TMEFF1: variants seen among roughly 807,000 people sequenced by gnomAD.
The protein encoded by TMEFF1 is transmembrane protein with EGF like and two follistatin like domains 1.
TMEFF1 carries 20 observed loss-of-function variants against 47.5 expected under a neutral mutation model. The ratio of observed to expected loss-of-function variants is 0.42; its 90% CI spans 0.30 to 0.61. The LOEUF is 0.61. TMEFF1 is among the 20% of genes least tolerant of loss of function. The pLI, the probability that TMEFF1 is intolerant of heterozygous loss-of-function variation, is 0.19. For synonymous variants in TMEFF1, 162 were observed against 166.3 expected (o/e 0.97, Z 0.20); for missense variants, 411 against 471.1 (o/e 0.87, Z 1.18).
intron 9 of TMEFF1, among the ~76,000 whole-genome samples, chr9:100,575,975 G>T (rs2800285): frequency 0.37 from 55,883 of 151,756 alleles, 10,908 homozygotes; most frequent in Admixed American, 0.45. Context: ...GCCCCAGGAG[G>T]GTGTGGACAG....
At chr9:100,493,113 C>G (rs1837586082) in intron 1 of TMEFF1, among the ~76,000 whole-genome samples, 1 of 151,902 alleles carries the variant, frequency 6.6e-6, no homozygotes, top group Admixed American at 6.6e-5. Flanking sequence ...TGCTTATGTC[C>G]AGACAATTTT....
At chr9:100,494,995 G>A (rs973944730) in intron 1 of TMEFF1, among the ~76,000 whole-genome samples, 8 of 152,030 alleles carry the variant, frequency 5.3e-5, no homozygotes, top group African/African-American at 1.4e-4. Flanking sequence ...AGATATTGAA[G>A]GTTTAAGAAA....
At chr9:100,547,593 ATTTAC>A in intron 5 of TMEFF1, 146 bp from the exon 6 acceptor site, 5 of 920,268 alleles carry the variant, frequency 5.4e-6, no homozygotes, top group Admixed American at 4.2e-5. Context: ...TTTTTTAGGT[ATTTAC>A]TTTGCTTAAG....
intron 5 of TMEFF1, among the ~76,000 whole-genome samples, chr9:100,541,846 A>T (rs1030334126): frequency 9.2e-5 from 14 of 152,180 alleles, no homozygotes; most frequent in South Asian, 6.2e-4. Context: ...TTTATATCTG[A>T]TATTAAATAT....
chr9:100,479,874 G>T (rs1188028676), intron 1 of TMEFF1, among the ~76,000 whole-genome samples: 1 of 152,178 alleles, frequency 6.6e-6, no homozygotes, highest in African/African-American at 2.4e-5. Flanking sequence ...GTTCTGTTGT[G>T]TATGTATCTA....
intron 1 of TMEFF1, among the ~76,000 whole-genome samples, chr9:100,492,042 C>T (rs1309974279): frequency 2.0e-5 from 3 of 152,010 alleles, no homozygotes; most frequent in African/African-American, 4.8e-5. Flanking sequence ...CGTGCCACCA[C>T]GCCCAGCTAA....
chr9:100,532,982 G>T (rs1213985142), intron 5 of TMEFF1, among the ~76,000 whole-genome samples: 1 of 150,946 alleles, frequency 6.6e-6, no homozygotes, highest in South Asian at 2.1e-4. Flanking sequence ...GTAAACTATC[G>T]CAAGAACAAA....
chr9:100,508,554 G>A (rs1334591832), intron 2 of TMEFF1, among the ~76,000 whole-genome samples: 1 of 151,700 alleles, frequency 6.6e-6, no homozygotes, highest in Non-Finnish European at 1.5e-5. Context: ...CAAGAACAGA[G>A]ATCATCCTAT....
At chr9:100,530,759 C>T (rs560034599) in intron 5 of TMEFF1, among the ~76,000 whole-genome samples, 62 of 152,116 alleles carry the variant, frequency 4.1e-4, no homozygotes, top group African/African-American at 1.5e-3. Flanking sequence ...ATTCTGATAC[C>T]AAAGCCGGGC....
intron 6 of TMEFF1, among the ~76,000 whole-genome samples, chr9:100,548,106 AT>A (rs1290179901): frequency 1.3e-5 from 2 of 151,238 alleles, no homozygotes; most frequent in Non-Finnish European, 3.0e-5. Flanking sequence ...TTGGTTTTTT[AT>A]TTAGTTAGTT....
At chr9:100,557,119 T>C (rs948765877) in intron 7 of TMEFF1, among the ~76,000 whole-genome samples, 4 of 151,402 alleles carry the variant, frequency 2.6e-5, no homozygotes, top group Admixed American at 2.0e-4. Flanking sequence ...ATTATTTTAA[T>C]ATCTTTATTG....
At chr9:100,504,512 A>T (rs1048944377) in intron 2 of TMEFF1, among the ~76,000 whole-genome samples, 1 of 152,180 alleles carries the variant, frequency 6.6e-6, no homozygotes, top group Non-Finnish European at 1.5e-5. Flanking sequence ...GACTATTGGC[A>T]AATACTTACG....
chr9:100,485,247 T>C (rs1014385672), intron 1 of TMEFF1, among the ~76,000 whole-genome samples: 2 of 152,234 alleles, frequency 1.3e-5, no homozygotes, highest in African/African-American at 4.8e-5. Flanking sequence ...CTATTATGAA[T>C]AATGCCACCA....
chr9:100,525,299 A>G (rs941347008), intron 5 of TMEFF1, among the ~76,000 whole-genome samples: 1 of 152,052 alleles, frequency 6.6e-6, no homozygotes, highest in African/African-American at 2.4e-5. Flanking sequence ...CCCCCGCTTT[A>G]TAACCAGCTG....
At chr9:100,505,703 A>ATGTC (rs1308198636) in intron 2 of TMEFF1, among the ~76,000 whole-genome samples, 1 of 152,154 alleles carries the variant, frequency 6.6e-6, no homozygotes, top group Non-Finnish European at 1.5e-5. Context: ...AATTACAGTA[A>ATGTC]TGTCCGTCTG....
At chr9:100,548,672 A>T (rs2118512296) in intron 6 of TMEFF1, among the ~76,000 whole-genome samples, 1 of 152,180 alleles carries the variant, frequency 6.6e-6, no homozygotes, top group African/African-American at 2.4e-5. Context: ...TATTAAAGGG[A>T]TATTATGTTT....
rs1839359921 is a variant in TMEFF1, at chr9:100,576,700, A to C, written c.*100A>C. The C allele has an allele frequency of 7.0e-7, 1 of 1,425,724 alleles. No individual in the cohort carries two copies. The highest frequency in any genetic ancestry group is 9.5e-7 in the Non-Finnish European group (1 of 1,053,720). The allele number at this position is 1,425,724 out of a possible 1,614,324, so 88.3% of individuals were successfully genotyped here. On this transcript the variant is annotated 3_prime_UTR_variant, in exon 10 of 10. Transcript: ENST00000374879. ...TATTTCAGAGGCCTTATTTTTGGAC[A>C]TTTTTAGTGTAGTACTGTTGGCTCG...
intron 9 of TMEFF1, 106 bp from the exon 10 acceptor site, chr9:100,576,410 A>G (rs1839355223): frequency 4.3e-6 from 6 of 1,387,150 alleles, no homozygotes; most frequent in Admixed American, 5.0e-5. Flanking sequence ...ATTGCTTGCA[A>G]TGTGGCTTTA....
At chr9:100,522,925 G>A (rs1321070616) in intron 5 of TMEFF1, among the ~76,000 whole-genome samples, 2 of 151,770 alleles carry the variant, frequency 1.3e-5, no homozygotes, top group African/African-American at 4.8e-5. Context: ...TTTTTAGTAG[G>A]GATGGGGTTT....
Sources: gnomAD v4.1 joint callset for allele counts (sites outside exome capture counted in the v4.1 genomes callset) on GRCh38, gnomAD v4.1.1 for gene constraint, MANE v1.5 for transcripts, NCBI Gene and HGNC (gene_info 2026-07-23, HGNC 2026-07-21) for gene names.